C9orf153: variants seen among roughly 807,000 people sequenced by gnomAD.
C9orf153 encodes uncharacterized protein C9orf153.
A neutral mutation model predicts 9.0 loss-of-function variants in C9orf153; 10 were observed. That is an observed-to-expected ratio of 1.11 (90% CI 0.69 to 1.89). The LOEUF (loss-of-function observed/expected upper bound fraction) is 1.89, where lower values mean the gene tolerates loss of function less well. C9orf153 is among the 40% of genes most tolerant of loss of function. The pLI is 0.00. For missense variants in C9orf153, 108 were observed against 111.0 expected (o/e 0.97, Z 0.12); for synonymous variants, 35 against 37.3 (o/e 0.94, Z 0.23).
In C9orf153 at chr9:86,228,020, A is replaced by G. The variant is rs775144103; in HGVS notation, c.77T>C (p.Leu26Ser). 1.3e-6 allele frequency: 2 copies of G among 1,599,876 alleles called. No individual in the cohort carries two copies. The highest frequency in any genetic ancestry group is 2.3e-5 in the South Asian group (2 of 88,012). ...ATLPQCSLPELYACIENFNKE... is the reference protein window; with the variant it reads ...ATLPQCSLPESYACIENFNKE... Reference sequence around the variant, plus strand: ...ATTAAAATTCTCAATACATGCATATAATTCTGGAAGCTGTGGACAAAAAAA... The same window carrying G: ...ATTAAAATTCTCAATACATGCATATGATTCTGGAAGCTGTGGACAAAAAAA... Residue 26 changes from leucine (L) to serine (S), a missense_variant, in exon 3 of 4, where the codon TTA becomes TCA. By Grantham distance (145) the Leu-to-Ser change is moderately radical (BLOSUM62 -2). Transcript: ENST00000339137.
intron 1 of C9orf153, among the ~76,000 whole-genome samples, chr9:86,240,378 T>C (rs1008539123): frequency 3.9e-5 from 3 of 76,436 alleles, no homozygotes; most frequent in Non-Finnish European, 6.1e-5. Context: ...CTTCTTTTCC[T>C]TTTTTTTTTT....
chr9:86,221,402 A>C lies in C9orf153; in HGVS notation c.*286T>G, dbSNP rs996915574. On this transcript the variant is annotated 3_prime_UTR_variant, in exon 4 of 4. Coordinates refer to ENST00000339137, the MANE Select transcript of C9orf153 (RefSeq NM_001276366.4). The stretch of plus-strand genomic sequence containing the variant: ...CATGTGTGTTGTACACACTCACTTC[A>C]GATGTTCTATTGGGTACTTGGCTTC... 1 of 459,818 alleles carries C rather than the reference A, an allele frequency of 2.2e-6. No homozygotes were observed. The highest frequency in any genetic ancestry group is 2.0e-5 in the African/African-American group (1 of 48,814). The allele number at this position is 459,818 out of a possible 1,614,324, so 28.5% of individuals were successfully genotyped here.
intron 1 of C9orf153, among the ~76,000 whole-genome samples, chr9:86,237,375 T>G (rs916084692): frequency 6.6e-6 from 1 of 152,184 alleles, no homozygotes; most frequent in African/African-American, 2.4e-5. Context: ...CTAAATACAC[T>G]AATTAGAAAC....
At chr9:86,226,748 G>GTT (rs201015759) in intron 3 of C9orf153, among the ~76,000 whole-genome samples, 1 of 151,396 alleles carries the variant, frequency 6.6e-6, no homozygotes, top group African/African-American at 2.4e-5. Flanking sequence ...AAGTTTCATG[G>GTT]TTTTTTGTTT....
intron 3 of C9orf153, among the ~76,000 whole-genome samples, chr9:86,224,771 C>CA (rs35435424): frequency 0.22 from 25,041 of 113,272 alleles, 2,386 homozygotes; most frequent in Middle Eastern, 0.33. Flanking sequence ...ACTAAAAATA[C>CA]AAAAAAAAAA....
Position 86,221,719 on chromosome 9 carries a change from T to C in C9orf153, c.257A>G (p.Glu86Gly). ...LQPVIRKTIH[E>G]SKGSGMEIF ...TATCTCCATTCCAGATCCCTTAGAT[T>C]CATGAATTGTTTTCCTGAAAAGAAT... is the stretch of plus-strand genomic sequence containing the variant. The change falls in exon 4 of 4, where the codon GAA becomes GGA. Residue 86 changes from glutamate (E) to glycine (G), a missense_variant. Glu to Gly is a moderately conservative substitution (Grantham distance 98, BLOSUM62 -2). Coordinates refer to ENST00000339137, the MANE Select transcript of C9orf153 (RefSeq NM_001276366.4). 1 of 1,547,062 alleles carries C rather than the reference T, an allele frequency of 6.5e-7. No individual in the cohort carries two copies. Among genetic ancestry groups the C allele is most frequent in the Non-Finnish European group, 8.7e-7 (1 of 1,143,896 alleles).
intron 1 of C9orf153, among the ~76,000 whole-genome samples, chr9:86,248,243 C>T (rs1824911619): frequency 6.6e-6 from 1 of 152,096 alleles, no homozygotes. Context: ...AAGCGATTCT[C>T]CTGCCTCAGC....
intron 1 of C9orf153, among the ~76,000 whole-genome samples, chr9:86,247,460 T>C (rs760768437): frequency 6.6e-6 from 1 of 152,142 alleles, no homozygotes; most frequent in Non-Finnish European, 1.5e-5. Context: ...AGCGGGTGGA[T>C]TGCTTGAGCC....
rs1210899524 is a variant in C9orf153 at position 86,227,975 on chromosome 9, T to C, written c.122A>G (p.Asn41Ser). The C allele has an allele frequency of 1.2e-6, 2 of 1,613,536 alleles. No individual in the cohort carries two copies. Among genetic ancestry groups the C allele is most frequent in the Non-Finnish European group, 1.7e-6 (2 of 1,179,712 alleles). Residue 41 changes from asparagine to serine, a missense_variant, in exon 3 of 4, where the codon AAT becomes AGT. Transcript: ENST00000339137. ...TGAAATACCATGCATTTTTAGAAGA[T>C]TTGATTTCTTGCTCTCCTTATTAAA... is the stretch of plus-strand genomic sequence containing the variant. ...ENFNKESKKS[N>S]LLKMHGISLN... is the part of the protein sequence containing the mutation.
In C9orf153 at chr9:86,257,450, AAAC is replaced by A. The variant is rs576158818; in HGVS notation, c.-27+2097_-27+2099del. Among the ~76,000 whole-genome samples the A allele has an allele frequency of 2.7e-3, 417 of 152,294 alleles. 2 individuals carry two copies. Among genetic ancestry groups the A allele is most frequent in the African/African-American group, 9.4e-3 (391 of 41,556 alleles). On this transcript the variant is annotated intron_variant, in intron 1 of 3. Transcript: ENST00000339137. Reference sequence around the variant, plus strand: ...AATCAGTTGGAGGCTCCATCAAGCCAAACAAGACATCTGCCCCTTTTTCAGTTC... The same window carrying A: ...AATCAGTTGGAGGCTCCATCAAGCCAAAGACATCTGCCCCTTTTTCAGTTC...
intron 1 of C9orf153, among the ~76,000 whole-genome samples, chr9:86,252,015 C>T (rs769301798): frequency 3.4e-5 from 4 of 116,044 alleles, no homozygotes; most frequent in East Asian, 1.3e-3. Flanking sequence ...CTCATGCTGT[C>T]GTTATTTGGT....
At chr9:86,257,191 C>T (rs1244784552) in intron 1 of C9orf153, among the ~76,000 whole-genome samples, 1 of 152,180 alleles carries the variant, frequency 6.6e-6, no homozygotes, top group Non-Finnish European at 1.5e-5. Flanking sequence ...CAAATAAGCT[C>T]TCTACTTATA....
intron 3 of C9orf153, among the ~76,000 whole-genome samples, chr9:86,224,430 T>C (rs1824272617): frequency 6.6e-6 from 1 of 151,452 alleles, no homozygotes; most frequent in Non-Finnish European, 1.5e-5. Context: ...AAAGTTACAG[T>C]TAGATAAGAG....
Position 86,221,698 on chromosome 9 carries a change from T to C in C9orf153, c.278A>G (p.Glu93Gly), listed in dbSNP as rs1290035637. The change falls in exon 4 of 4, where the codon GAG (glutamate) becomes GGG (glycine). Residue 93 changes from glutamate to glycine, a missense_variant. By Grantham distance (98) the Glu-to-Gly change is moderately conservative. Transcript: ENST00000339137. ...TIHESKGSGM[E>G]IF Reference sequence around the variant, plus strand: ...CACTTCGCAAGCCCCTTAAAATATCTCCATTCCAGATCCCTTAGATTCATG... The same window carrying C: ...CACTTCGCAAGCCCCTTAAAATATCCCCATTCCAGATCCCTTAGATTCATG... The C allele has an allele frequency of 1.3e-6, 2 of 1,549,750 alleles. No individual in the cohort carries two copies. The highest frequency in any genetic ancestry group is 3.9e-5 in the Admixed American group (2 of 50,828).
intron 3 of C9orf153, among the ~76,000 whole-genome samples, chr9:86,222,611 A>G (rs1824231306): frequency 6.6e-6 from 1 of 152,122 alleles, no homozygotes; most frequent in South Asian, 2.1e-4. Context: ...AGAAAGAATC[A>G]AGCAAAGACA....
chr9:86,227,859 T>C lies in C9orf153; in HGVS notation c.238A>G (p.Ile80Val), dbSNP rs1404230085. 2 of 1,610,490 alleles carry C rather than the reference T, an allele frequency of 1.2e-6. No individual in the cohort carries two copies. The highest frequency in any genetic ancestry group is 1.3e-5 in the African/African-American group (1 of 74,686). Residue 80 changes from isoleucine to valine, a missense_variant, in exon 3 of 4, where the codon ATC becomes GTC. Ile to Val is a conservative substitution (Grantham distance 29). Coordinates refer to ENST00000339137, the MANE Select transcript of C9orf153 (RefSeq NM_001276366.4). ...TCTTTTTTAACCACTGTGCACCTGATAACAGGTTGGAGATCTCCTCTCACA... is the reference window on the plus strand; with the variant it reads ...TCTTTTTTAACCACTGTGCACCTGACAACAGGTTGGAGATCTCCTCTCACA... ...ADVRGDLQPV[I>V]RKTIHESKGS... is the part of the protein sequence containing the mutation.
rs1381411898 is a variant in C9orf153, at chr9:86,220,806, C to T, written c.*882G>A. The T allele has an allele frequency of 1.3e-5, 2 of 151,726 alleles. No individual in the cohort carries two copies. The allele number at this position is 151,726 out of a possible 1,614,324, so 9.4% of individuals were successfully genotyped here. On this transcript the variant is annotated 3_prime_UTR_variant, in exon 4 of 4. Transcript: ENST00000339137. ...TTTCCATTCTCCTATTTTTTTTCTG[C>T]TAATTCCATCGTATACATTTCTGAA... is the stretch of plus-strand genomic sequence containing the variant.
intron 3 of C9orf153, among the ~76,000 whole-genome samples, chr9:86,223,405 T>A (rs1456711620): frequency 6.6e-6 from 1 of 151,844 alleles, no homozygotes; most frequent in African/African-American, 2.4e-5. Flanking sequence ...GAGGCGGAGG[T>A]TGCAGTGAGC....
chr9:86,233,888 T>G (rs1384903266), intron 1 of C9orf153, among the ~76,000 whole-genome samples: 3 of 152,048 alleles, frequency 2.0e-5, no homozygotes, highest in South Asian at 4.2e-4. Flanking sequence ...ATCAAGACCA[T>G]CCTGGCCAAC....
Sources: gnomAD v4.1 joint callset for allele counts (sites outside exome capture counted in the v4.1 genomes callset) on GRCh38, gnomAD v4.1.1 for gene constraint, MANE v1.5 for transcripts, NCBI Gene and HGNC (gene_info 2026-07-23, HGNC 2026-07-21) for gene names.